GALNTL6: variants seen among roughly 807,000 people sequenced by gnomAD.
GALNTL6 encodes the protein polypeptide N-acetylgalactosaminyltransferase like 6, also known as polypeptide N-acetylgalactosaminyltransferase-like 6.
GALNTL6 carries 46 observed loss-of-function variants against 73.7 expected under a neutral mutation model. The observed-to-expected ratio is 0.62, with a 90% CI of 0.49 to 0.80. GALNTL6 has a LOEUF of 0.80. Ranked by LOEUF, GALNTL6 falls within the 30% of genes least tolerant of loss-of-function variation. The pLI is 0.00. For missense variants in GALNTL6, 604 were observed against 755.0 expected (o/e 0.80, Z 2.34); for synonymous variants, 259 against 263.7 (o/e 0.98, Z 0.17).
chr4:172,128,263 A>G lies in GALNTL6; in HGVS notation c.139-101393A>G, dbSNP rs576983051. ...TTAAAAGGCATTTAGGCTAATTGCT[A>G]TATTTTTTAATATGAGCACTCATTT... On this transcript the variant is annotated intron_variant, in intron 2 of 12. Coordinates refer to ENST00000506823, the MANE Select transcript of GALNTL6 (RefSeq NM_001034845.3). Among the ~76,000 whole-genome samples, 3 of 152,250 alleles carry G rather than the reference A, an allele frequency of 2.0e-5. No homozygotes were observed. The East Asian group carries it at 5.8e-4, about 29-fold the overall frequency.
intron 2 of GALNTL6, among the ~76,000 whole-genome samples, chr4:172,096,257 C>G (rs1326715393): frequency 4.6e-5 from 7 of 152,066 alleles, no homozygotes; most frequent in African/African-American, 1.4e-4. Flanking sequence ...GTGCATGCCC[C>G]CATGCCTGGC....
chr4:172,756,013 AG>A (rs1737728297), intron 5 of GALNTL6, among the ~76,000 whole-genome samples: 1 of 152,214 alleles, frequency 6.6e-6, no homozygotes, highest in African/African-American at 2.4e-5. Flanking sequence ...AGATTCTCTA[AG>A]CATTTTTTTA....
intron 2 of GALNTL6, among the ~76,000 whole-genome samples, chr4:172,158,538 G>A (rs1157663273): frequency 6.6e-6 from 1 of 151,960 alleles, no homozygotes; most frequent in Non-Finnish European, 1.5e-5. Context: ...TGCCAATCTG[G>A]TAGTGAGGGA....
rs76048264 is a variant in GALNTL6 at position 172,642,382 on chromosome 4, A to G, written c.554-166979A>G. ...AAAATGGTCATTATATATATACACA[A>G]TTGAGTATGATTCAGCCTTAAAAAA... On this transcript the variant is annotated intron_variant, in intron 5 of 12. Transcript: ENST00000506823. Among the ~76,000 whole-genome samples, 1,370 of 152,146 alleles carry G rather than the reference A, an allele frequency of 9.0e-3. 22 individuals carry two copies. The highest frequency in any genetic ancestry group is 0.031 in the African/African-American group (1,272 of 41,550).
intron 2 of GALNTL6, among the ~76,000 whole-genome samples, chr4:171,922,947 A>G (rs1737838586): frequency 6.6e-6 from 1 of 152,134 alleles, no homozygotes; most frequent in South Asian, 2.1e-4. Context: ...ACATAATTGT[A>G]TTTACTTACT....
intron 2 of GALNTL6, among the ~76,000 whole-genome samples, chr4:171,854,691 T>C (rs1214799207): frequency 6.6e-6 from 1 of 152,202 alleles, no homozygotes; most frequent in Non-Finnish European, 1.5e-5. Context: ...ATTTGGTGAC[T>C]GGTGAAGGCT....
chr4:171,843,819 A>C (rs1279207032), intron 2 of GALNTL6, among the ~76,000 whole-genome samples: 1 of 152,124 alleles, frequency 6.6e-6, no homozygotes, highest in Non-Finnish European at 1.5e-5. Flanking sequence ...GGTTAACAGA[A>C]TTTTTCTTTA....
chr4:172,137,982 C>A (rs1054953100), intron 2 of GALNTL6, among the ~76,000 whole-genome samples: 3 of 152,054 alleles, frequency 2.0e-5, no homozygotes, highest in African/African-American at 7.2e-5. Flanking sequence ...AAAACACCAA[C>A]CTACAGTGAT....
chr4:172,150,699 T>C (rs919262757), intron 2 of GALNTL6, among the ~76,000 whole-genome samples: 4 of 152,116 alleles, frequency 2.6e-5, no homozygotes, highest in Non-Finnish European at 4.4e-5. Context: ...CAGGATGAAG[T>C]TGGTCCCTGG....
At chr4:172,075,720 C>G (rs1731682206) in intron 2 of GALNTL6, among the ~76,000 whole-genome samples, 1 of 152,150 alleles carries the variant, frequency 6.6e-6, no homozygotes, top group Admixed American at 6.5e-5. Flanking sequence ...TGGCATCTCC[C>G]TTCTGCTCTA....
intron 5 of GALNTL6, among the ~76,000 whole-genome samples, chr4:172,795,865 T>A (rs1219402585): frequency 6.6e-6 from 1 of 151,910 alleles, no homozygotes; most frequent in Non-Finnish European, 1.5e-5. Flanking sequence ...ATATAATTTA[T>A]AATATCAATG....
At chr4:171,956,432 T>C (rs905163850) in intron 2 of GALNTL6, among the ~76,000 whole-genome samples, 3 of 152,162 alleles carry the variant, frequency 2.0e-5, no homozygotes, top group Non-Finnish European at 2.9e-5. Context: ...TAAGAGGAAC[T>C]TCTTTGTATA....
At chr4:171,893,098 C>A (rs112848343) in intron 2 of GALNTL6, among the ~76,000 whole-genome samples, 15 of 152,022 alleles carry the variant, frequency 9.9e-5, no homozygotes, top group Non-Finnish European at 2.2e-4. Context: ...GGATAATGTG[C>A]GGTTTATTGA....
intron 3 of GALNTL6, among the ~76,000 whole-genome samples, chr4:172,240,337 C>A (rs540368928): frequency 6.6e-6 from 1 of 152,162 alleles, no homozygotes; most frequent in African/African-American, 2.4e-5. Flanking sequence ...CATTCTCCTG[C>A]CTCAGCCTCC....
intron 5 of GALNTL6, among the ~76,000 whole-genome samples, chr4:172,391,951 G>A (rs1275853006): frequency 1.3e-5 from 2 of 151,994 alleles, no homozygotes; most frequent in African/African-American, 4.8e-5. Context: ...AATAAACTAA[G>A]ATAATGCTAA....
intron 2 of GALNTL6, among the ~76,000 whole-genome samples, chr4:171,955,859 C>A (rs1739029169): frequency 6.6e-6 from 1 of 152,028 alleles, no homozygotes; most frequent in Non-Finnish European, 1.5e-5. Context: ...AACTTGCTTT[C>A]CCCCAAAAAG....
chr4:171,844,326 T>C (rs560150024), intron 2 of GALNTL6, among the ~76,000 whole-genome samples: 3 of 152,230 alleles, frequency 2.0e-5, no homozygotes, highest in Middle Eastern at 3.4e-3. Context: ...ACCATTTATA[T>C]CTAAGGTGTA....
chr4:172,371,493 T>G (rs930293475), intron 5 of GALNTL6, among the ~76,000 whole-genome samples: 2 of 152,256 alleles, frequency 1.3e-5, no homozygotes, highest in African/African-American at 4.8e-5. Flanking sequence ...TTTAAAGGAA[T>G]AGGGTACACT....
chr4:172,325,591 C>T (rs1190817060), intron 4 of GALNTL6, among the ~76,000 whole-genome samples: 1 of 151,798 alleles, frequency 6.6e-6, no homozygotes, highest in Non-Finnish European at 1.5e-5. Flanking sequence ...CTGTAATTTT[C>T]AATGTACCTA....
Sources: allele counts gnomAD v4.1 joint callset (sites outside exome capture counted in the v4.1 genomes callset), GRCh38; gene constraint gnomAD v4.1.1; transcripts MANE v1.5; gene names NCBI Gene and HGNC (gene_info 2026-07-23, HGNC 2026-07-21).